Variants in MLLT3 observed in about 807,000 individuals in gnomAD.
MLLT3 encodes the protein MLLT3 super elongation complex subunit.
In MLLT3, 4 loss-of-function variants were observed where a neutral mutation model predicts 53.2. The observed-to-expected ratio is 0.08, with a 90% CI of 0.04 to 0.17. MLLT3 has a LOEUF of 0.17. Ranked by LOEUF, MLLT3 falls within the 10% of genes least tolerant of loss-of-function variation. MLLT3 has a pLI of 1.00. For synonymous variants in MLLT3, 283 were observed against 230.6 expected, an observed-to-expected ratio of 1.23 and a Z score of -2.06; for missense variants, 569 against 684.0, an observed-to-expected ratio of 0.83 and a Z score of 1.87.
chr9:20,475,425 A>T (rs1824496476), intron 2 of MLLT3, among the ~76,000 whole-genome samples: 1 of 152,136 alleles, frequency 6.6e-6, no homozygotes, highest in South Asian at 2.1e-4. Context: ...GTATAATTTC[A>T]AATTCTGATC....
chr9:20,483,238 A>AT lies in MLLT3; in HGVS notation c.194-26453dup, dbSNP rs1332971555. On this transcript the variant is annotated intron_variant, in intron 2 of 10. Transcript: ENST00000380338. ...TATATTACTACAAATTATTATTATT[A>AT]TTATTTTTTTTTTTGAGACAGGTTC... Among the ~76,000 whole-genome samples the AT allele has an allele frequency of 1.4e-3, 87 of 62,198 alleles. 1 individual carries two copies. In the East Asian group the frequency reaches 0.025, roughly 18 times the overall value. 40.8% of individuals were successfully genotyped at this position (62,198 alleles called of 152,430 possible). A position where few individuals can be genotyped will look rare whatever the true frequency, so the allele number is the denominator to read the frequency against.
At chr9:20,493,113 A>C (rs1343478627) in intron 2 of MLLT3, among the ~76,000 whole-genome samples, 1 of 151,936 alleles carries the variant, frequency 6.6e-6, no homozygotes, top group Non-Finnish European at 1.5e-5. Flanking sequence ...ATTTTGCAGT[A>C]AAGAAAGCTC....
At chr9:20,356,553 C>T (rs1267058865) in intron 8 of MLLT3, among the ~76,000 whole-genome samples, 1 of 151,760 alleles carries the variant, frequency 6.6e-6, no homozygotes, top group East Asian at 1.9e-4. Context: ...GCTGAGATTT[C>T]AGGCAAGAAA....
intron 2 of MLLT3, among the ~76,000 whole-genome samples, chr9:20,504,040 A>G (rs1396096850): frequency 1.3e-5 from 2 of 152,178 alleles, no homozygotes; most frequent in African/African-American, 4.8e-5. Context: ...ATTATCGAAA[A>G]GATGAAGATA....
At chr9:20,370,602 C>G (rs902870540) in intron 5 of MLLT3, among the ~76,000 whole-genome samples, 1 of 151,996 alleles carries the variant, frequency 6.6e-6, no homozygotes, top group African/African-American at 2.4e-5. Context: ...CCTCTGCCTT[C>G]CGGGTTCAAG....
intron 2 of MLLT3, among the ~76,000 whole-genome samples, chr9:20,537,587 C>T (rs529426100): frequency 1.5e-4 from 23 of 152,270 alleles, no homozygotes; most frequent in Middle Eastern, 3.4e-3. Flanking sequence ...CACATGTATA[C>T]ATCTCAAACA....
At chr9:20,359,305 C>A (rs1821259194) in intron 8 of MLLT3, among the ~76,000 whole-genome samples, 1 of 152,120 alleles carries the variant, frequency 6.6e-6, no homozygotes, top group Non-Finnish European at 1.5e-5. Flanking sequence ...TATGTCTTTC[C>A]TCTTTTTACT....
At chr9:20,603,814 G>C (rs539379476) in intron 2 of MLLT3, among the ~76,000 whole-genome samples, 5 of 152,102 alleles carry the variant, frequency 3.3e-5, no homozygotes, top group Admixed American at 2.0e-4. Flanking sequence ...AGTTATTTTA[G>C]ATTAATGAAA....
intron 2 of MLLT3, among the ~76,000 whole-genome samples, chr9:20,588,474 G>A (rs1316138855): frequency 6.6e-6 from 1 of 152,180 alleles, no homozygotes; most frequent in Non-Finnish European, 1.5e-5. Flanking sequence ...CTACCCATGA[G>A]CATGGAACGT....
At position 20,477,382 on chromosome 9, in the gene MLLT3, T is replaced by C. The variant is rs151080989; in HGVS notation, c.194-20596A>G. On this transcript the variant is annotated intron_variant, in intron 2 of 10. Transcript: ENST00000380338. ...AGAGAGGAGTGAAACAACTGGAGTC[T>C]CTGTTTTATAATGGCATTTGACTAA... 2.8e-4 allele frequency among the ~76,000 whole-genome samples: 42 copies of C among 152,236 alleles called. No individual in the cohort carries two copies. The East Asian group carries it at 6.9e-3, about 25-fold the overall frequency.
At chr9:20,514,755 G>A (rs1817860391) in intron 2 of MLLT3, among the ~76,000 whole-genome samples, 1 of 151,962 alleles carries the variant, frequency 6.6e-6, no homozygotes, top group African/African-American at 2.4e-5. Context: ...GGAGTCGTTT[G>A]AGGAAATCAT....
intron 5 of MLLT3, among the ~76,000 whole-genome samples, chr9:20,369,332 A>G (rs1004000444): frequency 7.2e-5 from 11 of 152,238 alleles, no homozygotes; most frequent in African/African-American, 2.2e-4. Context: ...CACTGATTCT[A>G]TATTAGTCTG....
intron 5 of MLLT3, among the ~76,000 whole-genome samples, chr9:20,405,578 A>T (rs2118755850): frequency 6.6e-6 from 1 of 152,362 alleles, no homozygotes; most frequent in Admixed American, 6.5e-5. Context: ...AACAAAAGCT[A>T]TCTTACCTAT....
chr9:20,535,337 C>T (rs1202889478), intron 2 of MLLT3, among the ~76,000 whole-genome samples: 1 of 152,156 alleles, frequency 6.6e-6, no homozygotes, highest in African/African-American at 2.4e-5. Flanking sequence ...GGAAAATTGT[C>T]TTCCATGAAA....
intron 2 of MLLT3, among the ~76,000 whole-genome samples, chr9:20,561,937 T>C (rs1819224595): frequency 6.7e-6 from 1 of 149,040 alleles, no homozygotes; most frequent in African/African-American, 2.5e-5. Flanking sequence ...TTGGTTTGTT[T>C]GGGTTTGAGG....
chr9:20,560,592 T>C (rs1027706911), intron 2 of MLLT3, among the ~76,000 whole-genome samples: 1 of 152,096 alleles, frequency 6.6e-6, no homozygotes, highest in Non-Finnish European at 1.5e-5. Flanking sequence ...GAAGTAGATA[T>C]AGGGTGTGCC....
intron 4 of MLLT3, among the ~76,000 whole-genome samples, chr9:20,428,820 A>G (rs1180447645): frequency 6.6e-6 from 1 of 152,186 alleles, no homozygotes; most frequent in Non-Finnish European, 1.5e-5. Context: ...ATCTACAAGT[A>G]TAGCACAGAT....
At chr9:20,606,180 G>A (rs1222517549) in intron 2 of MLLT3, among the ~76,000 whole-genome samples, 1 of 152,066 alleles carries the variant, frequency 6.6e-6, no homozygotes, top group Non-Finnish European at 1.5e-5. Flanking sequence ...GTGGGTCTTG[G>A]AGCCCACTGC....
chr9:20,556,780 T>C (rs902236325), intron 2 of MLLT3, among the ~76,000 whole-genome samples: 1 of 152,038 alleles, frequency 6.6e-6, no homozygotes, highest in African/African-American at 2.4e-5. Flanking sequence ...AAAGAGCTTG[T>C]TCACTGATTT....
Sources: allele counts gnomAD v4.1 joint callset (sites outside exome capture counted in the v4.1 genomes callset), GRCh38; gene constraint gnomAD v4.1.1; transcripts MANE v1.5; gene names NCBI Gene and HGNC (gene_info 2026-07-23, HGNC 2026-07-21).